ZEB1: variants seen among roughly 807,000 people sequenced by gnomAD.
ZEB1 encodes the protein zinc finger E-box-binding homeobox 1.
In ZEB1, 21 loss-of-function variants were observed where a neutral mutation model predicts 84.9. That is an observed-to-expected ratio of 0.25 (90% confidence interval 0.18 to 0.36). The LOEUF is 0.36. Ranked by LOEUF, ZEB1 falls within the 10% of genes least tolerant of loss-of-function variation. The probability of loss-of-function intolerance (pLI) is 1.00; values close to 1 mark genes in which losing one functional copy is unlikely to be tolerated. For missense variants in ZEB1, 1,104 were observed against 1,330.2 expected (o/e 0.83, Z 2.65); for synonymous variants, 420 against 471.1 (o/e 0.89, Z 1.41).
intron 2 of ZEB1, among the ~76,000 whole-genome samples, chr10:31,483,012 C>T (rs940549439): frequency 6.6e-6 from 1 of 151,946 alleles, no homozygotes; most frequent in South Asian, 2.1e-4. Flanking sequence ...CAGACCTGGT[C>T]GCGATACCTT....
At chr10:31,430,272 CTG>C (rs1273977978) in intron 1 of ZEB1, among the ~76,000 whole-genome samples, 3 of 152,220 alleles carry the variant, frequency 2.0e-5, no homozygotes, top group African/African-American at 4.8e-5. Context: ...ACTGGGGAAA[CTG>C]TGTAGTGGTA....
chr10:31,425,941 T>G (rs2056871910), intron 1 of ZEB1, among the ~76,000 whole-genome samples: 1 of 152,160 alleles, frequency 6.6e-6, no homozygotes, highest in Admixed American at 6.5e-5. Flanking sequence ...TTTATAAAAA[T>G]GAAGTGTGAT....
At chr10:31,368,505 T>C (rs1024699675) in intron 1 of ZEB1, among the ~76,000 whole-genome samples, 10 of 152,216 alleles carry the variant, frequency 6.6e-5, no homozygotes, top group African/African-American at 2.4e-4. Flanking sequence ...TAATACCTAA[T>C]ACAATACAAA....
intron 2 of ZEB1, among the ~76,000 whole-genome samples, chr10:31,472,780 C>A (rs1407262888): frequency 7.1e-6 from 1 of 140,640 alleles, no homozygotes; most frequent in Admixed American, 6.8e-5. Context: ...GACCAATATC[C>A]TTGATGAACA....
At chr10:31,452,794 T>G (rs2060768873) in intron 1 of ZEB1, among the ~76,000 whole-genome samples, 1 of 143,964 alleles carries the variant, frequency 6.9e-6, no homozygotes, top group African/African-American at 2.7e-5. Flanking sequence ...GTAGTCCCAA[T>G]TGATGTTAAA....
intron 1 of ZEB1, among the ~76,000 whole-genome samples, chr10:31,443,335 A>G (rs1461171013): frequency 6.6e-6 from 1 of 150,632 alleles, no homozygotes; most frequent in East Asian, 1.9e-4. Context: ...TTTTCTGTGT[A>G]TAGTTATGGG....
chr10:31,454,211 C>A (rs1038470670), intron 1 of ZEB1, among the ~76,000 whole-genome samples: 1 of 152,118 alleles, frequency 6.6e-6, no homozygotes, highest in African/African-American at 2.4e-5. Flanking sequence ...ATTCAACACC[C>A]CTTCATGCTA....
At chr10:31,331,770 C>T (rs1209042760) in intron 1 of ZEB1, among the ~76,000 whole-genome samples, 1 of 152,150 alleles carries the variant, frequency 6.6e-6, no homozygotes, top group East Asian at 1.9e-4. Flanking sequence ...CACACATGCA[C>T]ACACATATTG....
At chr10:31,517,601 A>G (rs372712806) in intron 6 of ZEB1, among the ~76,000 whole-genome samples, 3 of 152,040 alleles carry the variant, frequency 2.0e-5, no homozygotes, top group African/African-American at 7.2e-5. Context: ...CCTAACCTCC[A>G]TAGATAAATT....
intron 1 of ZEB1, among the ~76,000 whole-genome samples, chr10:31,384,499 C>T (rs879591971): frequency 6.6e-5 from 10 of 152,184 alleles, no homozygotes; most frequent in Non-Finnish European, 1.3e-4. Flanking sequence ...TGAGTATAGT[C>T]ATGACGGTAG....
At chr10:31,410,200 G>A (rs1462005140) in intron 1 of ZEB1, among the ~76,000 whole-genome samples, 2 of 151,898 alleles carry the variant, frequency 1.3e-5, no homozygotes, top group African/African-American at 2.4e-5. Context: ...CCTAGTTCCT[G>A]GAGAGTTTTT....
chr10:31,440,908 G>A (rs1226410242), intron 1 of ZEB1, among the ~76,000 whole-genome samples: 1 of 152,084 alleles, frequency 6.6e-6, no homozygotes, highest in Non-Finnish European at 1.5e-5. Context: ...AATAAAAGAG[G>A]ATACAAACAA....
In ZEB1 at chr10:31,510,703, C is replaced by G; in HGVS notation, c.515C>G (p.Thr172Ser). 6.2e-7 allele frequency: 1 copy of G among 1,613,626 alleles called. No homozygotes were observed. The highest frequency in any genetic ancestry group is 8.5e-7 in the Non-Finnish European group (1 of 1,179,634). ...CCAGATGCATTTTCACAATTACTCA[C>G]CTGTCCATATTGTGATAGAGGCTAT... Reference protein sequence around the residue: ...GTPDAFSQLLTCPYCDRGYKR... With the variant: ...GTPDAFSQLLSCPYCDRGYKR... The change falls in exon 5 of 9, where the codon ACC becomes AGC. Residue 172 changes from threonine (T) to serine (S), a missense_variant. This residue lies in a region of ZEB1 where 71 missense variants were observed against 119.1 expected (regional missense o/e 0.60). Transcript: ENST00000424869.
At chr10:31,451,593 G>T (rs2060575214) in intron 1 of ZEB1, among the ~76,000 whole-genome samples, 1 of 152,178 alleles carries the variant, frequency 6.6e-6, no homozygotes, top group Non-Finnish European at 1.5e-5. Context: ...GTAATTTAGT[G>T]TGAATTATTT....
intron 1 of ZEB1, among the ~76,000 whole-genome samples, chr10:31,377,087 CTTTT>C (rs1193120000): frequency 9.3e-6 from 1 of 107,174 alleles, no homozygotes. Flanking sequence ...AACCTAGTGT[CTTTT>C]TTTTTTTTTT....
chr10:31,379,467 A>G (rs984951516), intron 1 of ZEB1, among the ~76,000 whole-genome samples: 6 of 151,820 alleles, frequency 4.0e-5, no homozygotes, highest in African/African-American at 1.5e-4. Flanking sequence ...ATATACATAT[A>G]TATACACATA....
chr10:31,405,839 C>T (rs188585512), intron 1 of ZEB1, among the ~76,000 whole-genome samples: 133 of 152,214 alleles, frequency 8.7e-4, no homozygotes, highest in African/African-American at 3.2e-3. Context: ...TGCTATCCCC[C>T]ACCTAGCCTC....
chr10:31,522,873 A>T (rs182875633), intron 7 of ZEB1, among the ~76,000 whole-genome samples: 44 of 152,294 alleles, frequency 2.9e-4, no homozygotes, highest in Non-Finnish European at 5.9e-4. Flanking sequence ...TAATTGTGAT[A>T]ACTCTTGAAA....
chr10:31,388,273 A>G (rs411709), intron 1 of ZEB1, among the ~76,000 whole-genome samples: 12,120 of 152,168 alleles, frequency 0.08, 709 homozygotes, highest in African/African-American at 0.17. Context: ...AGTACTGGTG[A>G]AGACATTAAA....
Sources: allele counts gnomAD v4.1 joint callset (sites outside exome capture counted in the v4.1 genomes callset), GRCh38; gene constraint gnomAD v4.1.1; regional missense constraint gnomAD v4.1.1; transcripts MANE v1.5; gene names NCBI Gene and HGNC (gene_info 2026-07-23, HGNC 2026-07-21).